USHBP1: variants seen among roughly 807,000 people sequenced by gnomAD.
The protein encoded by USHBP1 is USH1 protein network component harmonin binding protein 1, also known as harmonin-binding protein USHBP1.
In USHBP1, 67 loss-of-function variants were observed where a neutral mutation model predicts 76.2. That is an observed-to-expected ratio of 0.88 (90% CI 0.72 to 1.08). USHBP1 has a LOEUF of 1.08. Ranked by LOEUF, USHBP1 falls within the 50% of genes least tolerant of loss-of-function variation. The pLI is 0.00. For missense variants in USHBP1, 931 were observed against 915.0 expected, an observed-to-expected ratio of 1.02 and a Z score of -0.23; for synonymous variants, 322 against 362.2, an observed-to-expected ratio of 0.89 and a Z score of 1.26.
chr19:17,259,717 C>A lies in USHBP1; in HGVS notation c.784G>T (p.Ala262Ser). The change falls in exon 6 of 13, where the codon GCT (alanine) becomes TCT (serine). Residue 262 changes from alanine (A) to serine (S), a missense_variant. Ala to Ser is a moderately conservative substitution (Grantham distance 99, BLOSUM62 1). Transcript: ENST00000252597. ...CGGAGGCGCCGAAGCAGGGGGTGAG[C>A]CAGGGAGAAGGAGTCCTGCCAAGAA... is the stretch of plus-strand genomic sequence containing the variant. ...PWETQDSFSL[A>S]HPLLRRLRSH... 1 of 1,611,762 alleles carries A rather than the reference C, an allele frequency of 6.2e-7. No homozygotes were observed. Among genetic ancestry groups the A allele is most frequent in the Middle Eastern group, 1.7e-4 (1 of 6,048 alleles).
Position 17,263,891 on chromosome 19 carries a change from G to A in USHBP1, c.203+111C>T, listed in dbSNP as rs1217940942. 5.2e-6 allele frequency: 7 copies of A among 1,358,558 alleles called. No homozygotes were observed. The African/African-American group carries it at 8.8e-5, about 17-fold the overall frequency. The allele number at this position is 1,358,558 out of a possible 1,614,324, so 84.2% of individuals were successfully genotyped here. ...AAAAAAAAAGAAAGTCAGGCTGAAG[G>A]CAATAGGGAGCTATGGTAGGTGTGT... is the stretch of plus-strand genomic sequence containing the variant. On this transcript the variant is annotated intron_variant, in intron 3 of 12. Transcript: ENST00000252597.
At chr19:17,257,640 C>T (rs2073636341) in intron 8 of USHBP1, among the ~76,000 whole-genome samples, 1 of 117,900 alleles carries the variant, frequency 8.5e-6, no homozygotes, top group Admixed American at 8.9e-5. Flanking sequence ...GAAACTCTGT[C>T]TCAAAAAAAA....
At chr19:17,257,567 G>A (rs1338900641) in intron 8 of USHBP1, among the ~76,000 whole-genome samples, 6 of 148,272 alleles carry the variant, frequency 4.0e-5, no homozygotes, top group East Asian at 4.2e-4. Flanking sequence ...CCTTGAACCC[G>A]GGAGGCAGAG....
chr19:17,254,081 C>T (rs563859362), intron 10 of USHBP1, among the ~76,000 whole-genome samples: 15 of 151,584 alleles, frequency 9.9e-5, no homozygotes, highest in African/African-American at 3.2e-4. Context: ...CGGTGGCTCA[C>T]GCCTGTAATC....
At position 17,258,357 on chromosome 19, in the gene USHBP1, G is replaced by A. The variant is rs2073646845; in HGVS notation, c.1075C>T (p.Leu359=). 1 of 1,613,754 alleles carries A rather than the reference G, an allele frequency of 6.2e-7. No homozygotes were observed. Among genetic ancestry groups the A allele is most frequent in the Non-Finnish European group, 8.5e-7 (1 of 1,180,032 alleles). The change falls in exon 8 of 13, where the codon CTG becomes TTG. Residue 359 remains leucine, a synonymous_variant. Transcript: ENST00000252597. The part of the protein sequence containing the change: ...SEHCEEAYRV[L]LALREADSGA... ...GAGTCGGCCTCCCGCAGAGCAAGCA[G>A]AACCCTGTATGCCTCTTCACAGTGT...
intron 2 of USHBP1, 32 bp downstream of exon 2, chr19:17,264,214 T>A: frequency 6.2e-7 from 1 of 1,613,482 alleles, no homozygotes; most frequent in Non-Finnish European, 8.5e-7. Context: ...GTCCCCAGGA[T>A]CTGGGTGTGG....
intron 8 of USHBP1, among the ~76,000 whole-genome samples, chr19:17,257,159 T>G (rs963926370): frequency 1.3e-5 from 2 of 149,924 alleles, no homozygotes; most frequent in Non-Finnish European, 3.0e-5. Context: ...AAGGTAGGAC[T>G]ACAGGCGCTT....
chr19:17,251,475 T>C, intron 12 of USHBP1, 107 bp downstream of exon 12: 2 of 1,479,550 alleles, frequency 1.4e-6, no homozygotes, highest in Non-Finnish European at 1.8e-6. Context: ...TTACTGCCTA[T>C]CTTGGGGCAG....
intron 10 of USHBP1, 73 bp from the exon 11 acceptor site, chr19:17,252,090 G>A: frequency 7.2e-7 from 1 of 1,383,232 alleles, no homozygotes; most frequent in South Asian, 1.2e-5. Flanking sequence ...CTGGACATTG[G>A]AGCTGCCCAG....
At chr19:17,258,939 G>A (rs2073654768) in intron 7 of USHBP1, among the ~76,000 whole-genome samples, 1 of 151,756 alleles carries the variant, frequency 6.6e-6, no homozygotes, top group Non-Finnish European at 1.5e-5. Context: ...AGGCCCAGTA[G>A]GGGGGATCAT....
Position 17,255,392 on chromosome 19 carries a change from C to T in USHBP1, c.1685G>A (p.Trp562Ter). 17 of 1,613,810 alleles carry T rather than the reference C, an allele frequency of 1.1e-5. No homozygotes were observed. Among genetic ancestry groups the T allele is most frequent in the Non-Finnish European group, 1.4e-5 (16 of 1,179,818 alleles). ...GGGSSGDEEE[W>*]YQGLPAVPGG... ...TCAGGCAGGGCAGCTCACCTGATAC[C>T]ACTCTTCCTCGTCCCCGCTGCTGCC... The change falls in exon 10 of 13, where the codon TGG (tryptophan) becomes TAG (stop). Residue 562 changes from tryptophan to a stop codon, truncating the protein, a stop_gained. Coordinates refer to ENST00000252597, the MANE Select transcript of USHBP1 (RefSeq NM_031941.4). LOFTEE classifies it high-confidence loss of function.
Position 17,256,562 on chromosome 19 carries a change from GCTT to G in USHBP1, c.1376_1378del (p.Glu459del), listed in dbSNP as rs1293653701. The G allele has an allele frequency of 1.5e-5, 24 of 1,614,022 alleles. No homozygotes were observed. The highest frequency in any genetic ancestry group is 2.0e-5 in the Non-Finnish European group (24 of 1,180,044). On this transcript the variant is annotated inframe_deletion, in exon 9 of 13. Transcript: ENST00000252597. Reference sequence around the variant, plus strand: ...GGTCCCCAGAATGGCCTGCACCATGGCTTCTGCACGGGGCACAGTGGGCATGGG... The same window carrying G: ...GGTCCCCAGAATGGCCTGCACCATGGCTGCACGGGGCACAGTGGGCATGGG...
chr19:17,258,013 A>G (rs1440802951), intron 8 of USHBP1, among the ~76,000 whole-genome samples, 199 bp downstream of exon 8: 1 of 152,150 alleles, frequency 6.6e-6, no homozygotes, highest in Non-Finnish European at 1.5e-5. Context: ...ATGTCTGTCA[A>G]CCACCATGCC....
At chr19:17,251,139 C>A (rs1455713368) in intron 12 of USHBP1, among the ~76,000 whole-genome samples, 2 of 145,786 alleles carry the variant, frequency 1.4e-5, no homozygotes, top group East Asian at 4.1e-4. Context: ...GGATTTCAGG[C>A]GTGAGCCACT....
rs2073663212 is a variant in USHBP1 at position 17,259,592 on chromosome 19, T to G, written c.905+4A>C. ...CTTATGAGCTCAGCATTTGAGTCTC[T>G]TACCCCCGGAGTTGCTCCATCTGGG... On this transcript the variant is annotated splice_donor_region_variant and intron_variant, in intron 6 of 12. Coordinates refer to ENST00000252597, the MANE Select transcript of USHBP1 (RefSeq NM_031941.4). 1.3e-5 allele frequency: 21 copies of G among 1,607,456 alleles called. No homozygotes were observed. The highest frequency in any genetic ancestry group is 1.8e-5 in the Non-Finnish European group (21 of 1,177,432).
Position 17,258,345 on chromosome 19 carries a change from G to T in USHBP1, c.1087C>A (p.Arg363=). 1 of 1,613,846 alleles carries T rather than the reference G, an allele frequency of 6.2e-7. No individual in the cohort carries two copies. The highest frequency in any genetic ancestry group is 1.3e-5 in the African/African-American group (1 of 75,016). Residue 363 remains arginine, a synonymous_variant, in exon 8 of 13, where the codon CGG becomes AGG. Transcript: ENST00000252597. The part of the protein sequence containing the change: ...EEAYRVLLAL[R]EADSGAGDEA... ...TCTCCTGCTCCTGAGTCGGCCTCCC[G>T]CAGAGCAAGCAGAACCCTGTATGCC...
chr19:17,264,564 C>T (rs1365213423), intron 1 of USHBP1, 107 bp downstream of exon 1: 2 of 518,964 alleles, frequency 3.9e-6, no homozygotes, highest in Admixed American at 7.5e-5. Flanking sequence ...TCTTTACCTT[C>T]ACTACGTCTT....
At chr19:17,253,503 C>G (rs1037635936) in intron 10 of USHBP1, among the ~76,000 whole-genome samples, 38 of 146,776 alleles carry the variant, frequency 2.6e-4, no homozygotes, top group Admixed American at 3.4e-4. Context: ...GTTGGCCAGG[C>G]TGGTCTTGAA....
intron 2 of USHBP1, 32 bp downstream of exon 2, chr19:17,264,214 T>G (rs2145598557): frequency 1.2e-6 from 2 of 1,613,482 alleles, no homozygotes; most frequent in Non-Finnish European, 1.7e-6. Flanking sequence ...GTCCCCAGGA[T>G]CTGGGTGTGG....
Sources: allele counts gnomAD v4.1 joint callset (sites outside exome capture counted in the v4.1 genomes callset), GRCh38; gene constraint gnomAD v4.1.1; transcripts MANE v1.5; gene names NCBI Gene and HGNC (gene_info 2026-07-23, HGNC 2026-07-21).